Variants in MTA3 observed in about 807,000 individuals in gnomAD.
The protein encoded by MTA3 is metastasis-associated protein MTA3.
MTA3 carries 34 observed loss-of-function variants against 83.5 expected under a neutral mutation model. The ratio of observed to expected loss-of-function variants is 0.41; its 90% CI spans 0.31 to 0.54. The LOEUF is 0.54. MTA3 is among the 20% of genes least tolerant of loss of function. The probability of loss-of-function intolerance (pLI) is 0.33; values close to 1 mark genes in which losing one functional copy is unlikely to be tolerated. For missense variants in MTA3, 761 were observed against 726.4 expected (o/e 1.05, Z -0.55); for synonymous variants, 303 against 252.7 (o/e 1.20, Z -1.89).
At chr2:42,532,845 G>A in intron 2 of MTA3, 1 of 386,614 alleles carries the variant, frequency 2.6e-6, no homozygotes, top group South Asian at 2.5e-5. Flanking sequence ...TCTGGGTGGA[G>A]CTGGCTGGCA....
chr2:42,735,235 A>G (rs986288976), intron 16 of MTA3, among the ~76,000 whole-genome samples: 2 of 152,188 alleles, frequency 1.3e-5, no homozygotes, highest in Non-Finnish European at 2.9e-5. Context: ...TGCTGGATAT[A>G]CTATTCTAAG....
chr2:42,588,274 G>C (rs1680570473), intron 3 of MTA3, among the ~76,000 whole-genome samples: 1 of 152,160 alleles, frequency 6.6e-6, no homozygotes, highest in Non-Finnish European at 1.5e-5. Context: ...TAAGTAAGTA[G>C]ATCAGAATGG....
At chr2:42,744,351 T>C (rs1669253213) in intron 16 of MTA3, among the ~76,000 whole-genome samples, 1 of 151,994 alleles carries the variant, frequency 6.6e-6, no homozygotes, top group Admixed American at 6.5e-5. Flanking sequence ...TCCCAGAGAG[T>C]ACTTCTATCA....
chr2:42,620,558 T>C (rs1344133860), intron 4 of MTA3, among the ~76,000 whole-genome samples: 1 of 152,204 alleles, frequency 6.6e-6, no homozygotes, highest in African/African-American at 2.4e-5. Context: ...AGTGGTGTCA[T>C]CACGGCTCAC....
At chr2:42,548,451 G>A (rs974417674) in intron 2 of MTA3, among the ~76,000 whole-genome samples, 4 of 152,062 alleles carry the variant, frequency 2.6e-5, no homozygotes, top group Non-Finnish European at 5.9e-5. Flanking sequence ...GGGCAGCAAA[G>A]CAAGACTCCG....
chr2:42,722,069 G>T (rs1261785675), intron 15 of MTA3, among the ~76,000 whole-genome samples: 2 of 152,062 alleles, frequency 1.3e-5, no homozygotes, highest in Non-Finnish European at 2.9e-5. Flanking sequence ...GAGAAGGCAG[G>T]GTGGCTTGTG....
At chr2:42,532,883 T>C in intron 2 of MTA3, 1 of 334,754 alleles carries the variant, frequency 3.0e-6, no homozygotes, top group Non-Finnish European at 5.8e-6. Context: ...CACCTTTCTC[T>C]TTGGCTTCTT....
intron 8 of MTA3, among the ~76,000 whole-genome samples, chr2:42,677,167 A>T (rs1016784309): frequency 4.6e-5 from 7 of 152,120 alleles, no homozygotes; most frequent in African/African-American, 1.7e-4. Context: ...AAGATATGTG[A>T]CTGTGCTTCA....
intron 2 of MTA3, among the ~76,000 whole-genome samples, chr2:42,557,872 G>C (rs896857162): frequency 2.0e-5 from 3 of 152,216 alleles, no homozygotes; most frequent in African/African-American, 4.8e-5. Flanking sequence ...CAGGGGATGT[G>C]GGGGGTTCAT....
chr2:42,704,405 A>C (rs1558601283), intron 12 of MTA3, 87 bp downstream of exon 12: 2 of 1,513,974 alleles, frequency 1.3e-6, no homozygotes, highest in East Asian at 4.6e-5. Flanking sequence ...TGAGGTCAGT[A>C]CGGTGCACCT....
rs1678720309 is a variant in MTA3 at position 42,573,612 on chromosome 2, G to A, written c.96+3108G>A. Among the ~76,000 whole-genome samples the A allele has an allele frequency of 2.0e-5, 3 of 152,070 alleles. No individual in the cohort carries two copies. In the South Asian group the frequency reaches 6.2e-4, roughly 32 times the overall value. ...TGCAACCTCTGTCTCCTGGGTTCAA[G>A]CAATTCTTCTGCCTCAGCCTCCCGA... On this transcript the variant is annotated intron_variant, in intron 2 of 16. Transcript: ENST00000405094.
At chr2:42,592,786 T>C (rs909375115) in intron 3 of MTA3, among the ~76,000 whole-genome samples, 12 of 152,138 alleles carry the variant, frequency 7.9e-5, no homozygotes, top group Non-Finnish European at 1.5e-4. Flanking sequence ...TTGGAATACC[T>C]TCCGAAGGAC....
chr2:42,720,970 A>AG (rs1434106508), intron 15 of MTA3, among the ~76,000 whole-genome samples: 7 of 149,934 alleles, frequency 4.7e-5, no homozygotes, highest in East Asian at 3.9e-4. Flanking sequence ...AAAAAAAAAA[A>AG]AAAAGAAAAG....
At chr2:42,592,165 G>C (rs971529793) in intron 3 of MTA3, among the ~76,000 whole-genome samples, 2 of 152,162 alleles carry the variant, frequency 1.3e-5, no homozygotes, top group Non-Finnish European at 2.9e-5. Flanking sequence ...GGGAGGCTGA[G>C]GCAGGAGGAT....
At chr2:42,634,185 G>A (rs1195977498) in intron 4 of MTA3, among the ~76,000 whole-genome samples, 1 of 152,138 alleles carries the variant, frequency 6.6e-6, no homozygotes, top group African/African-American at 2.4e-5. Context: ...CAGTGGTGCC[G>A]AGGTTGAGAA....
At chr2:42,625,677 G>A (rs1686003868) in intron 4 of MTA3, among the ~76,000 whole-genome samples, 2 of 148,546 alleles carry the variant, frequency 1.3e-5, no homozygotes, top group African/African-American at 5.1e-5. Flanking sequence ...AACCCGGGAG[G>A]CGGAGGTTGC....
chr2:42,642,991 A>G (rs1411524007), intron 5 of MTA3, among the ~76,000 whole-genome samples: 8 of 150,838 alleles, frequency 5.3e-5, no homozygotes, highest in Non-Finnish European at 1.0e-4. Flanking sequence ...CTTTCCTTAG[A>G]TAGCACTTTA....
At chr2:42,614,307 G>C (rs1684585018) in intron 4 of MTA3, 1 of 152,108 alleles carries the variant, frequency 6.6e-6, no homozygotes, top group Non-Finnish European at 1.5e-5. Context: ...ATGTTGGTCA[G>C]GCTAGTCTGA....
chr2:42,748,319 C>T (rs1421284875), intron 16 of MTA3, among the ~76,000 whole-genome samples: 1 of 152,106 alleles, frequency 6.6e-6, no homozygotes, highest in African/African-American at 2.4e-5. Context: ...CTGCCTCAGC[C>T]TCCCAAAGTG....
Sources: gnomAD v4.1 joint callset for allele counts (sites outside exome capture counted in the v4.1 genomes callset) on GRCh38, gnomAD v4.1.1 for gene constraint, MANE v1.5 for transcripts, NCBI Gene and HGNC (gene_info 2026-07-23, HGNC 2026-07-21) for gene names.